ASIC2: variants seen among roughly 807,000 people sequenced by gnomAD.
The protein encoded by ASIC2 is acid-sensing ion channel 2.
A neutral mutation model predicts 57.3 loss-of-function variants in ASIC2; 25 were observed. That is an observed-to-expected ratio of 0.44 (90% CI 0.32 to 0.61). The LOEUF (loss-of-function observed/expected upper bound fraction) is 0.61. Among genes scored for constraint, ASIC2 ranks in the 20% least tolerant of loss-of-function variants. The pLI is 0.06. For missense variants in ASIC2, 641 were observed against 738.1 expected, an observed-to-expected ratio of 0.87 and a Z score of 1.52; for synonymous variants, 319 against 307.5, an observed-to-expected ratio of 1.04 and a Z score of -0.39.
intron 1 of ASIC2, among the ~76,000 whole-genome samples, chr17:33,299,045 C>T (rs908234151): frequency 6.6e-6 from 1 of 152,218 alleles, no homozygotes; most frequent in African/African-American, 2.4e-5. Context: ...ATGCCATCCA[C>T]ATCAAGCTAC....
chr17:33,125,851 C>G (rs2092321109), intron 1 of ASIC2, among the ~76,000 whole-genome samples: 2 of 152,208 alleles, frequency 1.3e-5, no homozygotes, highest in Admixed American at 6.5e-5. Flanking sequence ...TCTTTCCTGT[C>G]CTCTTCACAC....
At chr17:33,190,963 C>G (rs1158348127) in intron 1 of ASIC2, among the ~76,000 whole-genome samples, 1 of 152,164 alleles carries the variant, frequency 6.6e-6, no homozygotes, top group African/African-American at 2.4e-5. Flanking sequence ...CCTACCCATT[C>G]CACTTGTTAA....
intron 1 of ASIC2, among the ~76,000 whole-genome samples, chr17:33,358,144 C>T (rs1474107378): frequency 6.6e-6 from 1 of 151,986 alleles, no homozygotes; most frequent in African/African-American, 2.4e-5. Context: ...GATTTTGGTT[C>T]AACAAAAAAA....
chr17:33,127,028 C>T (rs1025823392), intron 1 of ASIC2, among the ~76,000 whole-genome samples: 15 of 150,606 alleles, frequency 1.0e-4, no homozygotes, highest in Admixed American at 5.3e-4. Context: ...CCACCGCGCC[C>T]GGCTAATTTT....
intron 1 of ASIC2, among the ~76,000 whole-genome samples, chr17:33,810,689 G>C (rs1401760724): frequency 6.6e-6 from 1 of 152,232 alleles, no homozygotes. Flanking sequence ...GTGAGTTAGT[G>C]GTGAGTCCTG....
At chr17:33,693,139 T>C (rs1908425512) in intron 1 of ASIC2, among the ~76,000 whole-genome samples, 1 of 152,192 alleles carries the variant, frequency 6.6e-6, no homozygotes, top group African/African-American at 2.4e-5. Flanking sequence ...TTGGTTTGAT[T>C]TGTAGGCTTG....
intron 1 of ASIC2, among the ~76,000 whole-genome samples, chr17:33,642,067 T>A (rs1444788605): frequency 6.6e-6 from 1 of 152,192 alleles, no homozygotes; most frequent in Non-Finnish European, 1.5e-5. Context: ...CTGTGGCTAT[T>A]ATCAGAGAGC....
At chr17:33,299,518 A>G (rs1368418113) in intron 1 of ASIC2, among the ~76,000 whole-genome samples, 2 of 146,086 alleles carry the variant, frequency 1.4e-5, no homozygotes, top group Non-Finnish European at 3.0e-5. Context: ...CAGCATCTCC[A>G]CTGCCTTTCT....
rs1050913682 is a variant in ASIC2 at position 33,938,817 on chromosome 17, C to T, written c.555+217161G>A. ...TAGAGGCCTCCTGCATGGCTGTCTC[C>T]CTGCCTCAGTGACTCTGGGAGGCTG... On this transcript the variant is annotated intron_variant, in intron 1 of 9. Transcript: ENST00000359872. Among the ~76,000 whole-genome samples, 3 of 152,186 alleles carry T rather than the reference C, an allele frequency of 2.0e-5. No homozygotes were observed. The East Asian group carries it at 5.8e-4, about 29-fold the overall frequency.
intron 1 of ASIC2, among the ~76,000 whole-genome samples, chr17:33,571,208 A>G (rs1352748295): frequency 1.3e-5 from 2 of 152,050 alleles, no homozygotes; most frequent in African/African-American, 4.8e-5. Context: ...ACCTCACTAG[A>G]TCATCTCGAC....
At position 33,741,443 on chromosome 17, in the gene ASIC2, CT is replaced by C. The variant is rs1436466470; in HGVS notation, c.555+414534del. On this transcript the variant is annotated intron_variant, in intron 1 of 9. Transcript: ENST00000359872. ...GCTATGTGGACACTAAAATGCTTTA[CT>C]TTTTACATGCGTGAGCCTGCTCTTT... Among the ~76,000 whole-genome samples the C allele has an allele frequency of 3.9e-5, 6 of 152,244 alleles. No individual in the cohort carries two copies. The East Asian group carries it at 1.2e-3, about 29-fold the overall frequency.
intron 3 of ASIC2, among the ~76,000 whole-genome samples, chr17:33,047,180 C>A (rs2091958887): frequency 6.6e-6 from 1 of 152,176 alleles, no homozygotes; most frequent in African/African-American, 2.4e-5. Flanking sequence ...TGGGATTCTG[C>A]CAGGGTGAAA....
chr17:33,505,520 G>A (rs1054174271), intron 1 of ASIC2, among the ~76,000 whole-genome samples: 2 of 152,054 alleles, frequency 1.3e-5, no homozygotes, highest in African/African-American at 4.8e-5. Context: ...GCTGTATAAC[G>A]CACAGGATCT....
intron 1 of ASIC2, among the ~76,000 whole-genome samples, chr17:33,986,042 C>T (rs1436690599): frequency 1.3e-5 from 2 of 152,206 alleles, no homozygotes. Context: ...ACCCACACCT[C>T]TTGCCCCTGG....
chr17:34,065,791 A>C (rs955281813), intron 1 of ASIC2, among the ~76,000 whole-genome samples: 1 of 152,336 alleles, frequency 6.6e-6, no homozygotes, highest in South Asian at 2.1e-4. Context: ...TAAGGACAAG[A>C]GAAGAGTAAT....
intron 1 of ASIC2, among the ~76,000 whole-genome samples, chr17:33,684,600 C>A (rs944958324): frequency 1.3e-5 from 2 of 152,118 alleles, no homozygotes; most frequent in Non-Finnish European, 2.9e-5. Context: ...TTCTTCTTTG[C>A]AGAACATCAT....
At chr17:33,905,165 T>TTTC (rs147028517) in intron 1 of ASIC2, among the ~76,000 whole-genome samples, 22 of 108,424 alleles carry the variant, frequency 2.0e-4, no homozygotes, top group South Asian at 6.5e-4. Flanking sequence ...TTTTTTTTTT[T>TTTC]CCACTTAGCG....
intron 1 of ASIC2, among the ~76,000 whole-genome samples, chr17:33,157,074 T>C (rs528193385): frequency 6.6e-6 from 1 of 152,144 alleles, no homozygotes; most frequent in Non-Finnish European, 1.5e-5. Flanking sequence ...GGATGGGGAC[T>C]CAGGGACTGC....
intron 1 of ASIC2, among the ~76,000 whole-genome samples, chr17:33,427,721 A>G (rs1360383429): frequency 6.6e-6 from 1 of 152,188 alleles, no homozygotes; most frequent in Non-Finnish European, 1.5e-5. Flanking sequence ...CCCTGGCTGT[A>G]CACTAGAGAT....
Sources: allele counts gnomAD v4.1 joint callset (sites outside exome capture counted in the v4.1 genomes callset), GRCh38; gene constraint gnomAD v4.1.1; transcripts MANE v1.5; gene names NCBI Gene and HGNC (gene_info 2026-07-23, HGNC 2026-07-21).